The following GDA variants were observed in gnomAD, a reference collection of about 807,000 sequenced individuals.
The protein encoded by GDA is cytoplasmic PSD-95 interactor.
In GDA, 18 loss-of-function variants were observed where a neutral mutation model predicts 59.6. The ratio of observed to expected loss-of-function variants is 0.30; its 90% CI spans 0.21 to 0.45. The LOEUF is 0.45. Ranked by LOEUF, GDA falls within the 20% of genes least tolerant of loss-of-function variation. The pLI is 1.00. For synonymous variants in GDA, 201 were observed against 201.1 expected (o/e 1.00, Z 0.00); for missense variants, 427 against 552.3 (o/e 0.77, Z 2.27).
chr9:72,248,573 G>T lies in GDA; in HGVS notation c.*231G>T. On this transcript the variant is annotated 3_prime_UTR_variant, in exon 14 of 14. Transcript: ENST00000358399. ...CATGAAAATATCTCCCTTTGGAGCT[G>T]CTCAGACTTACTTTAAGCTCAAACA... 2 of 1,317,112 alleles carry T rather than the reference G, an allele frequency of 1.5e-6. No individual in the cohort carries two copies. Among genetic ancestry groups the T allele is most frequent in the Non-Finnish European group, 1.9e-6 (2 of 1,032,878 alleles). 81.6% of individuals were successfully genotyped at this position (1,317,112 alleles called of 1,614,324 possible). A position where few individuals can be genotyped will look rare whatever the true frequency, so the allele number is the denominator to read the frequency against.
intron 1 of GDA, among the ~76,000 whole-genome samples, chr9:72,183,513 G>A (rs1004409126): frequency 1.3e-5 from 2 of 152,166 alleles, no homozygotes; most frequent in African/African-American, 4.8e-5. Flanking sequence ...AAAAAGAAAA[G>A]GAAAAGGCTG....
At chr9:72,203,597 C>T (rs546465781) in intron 3 of GDA, among the ~76,000 whole-genome samples, 13 of 152,310 alleles carry the variant, frequency 8.5e-5, no homozygotes, top group African/African-American at 1.4e-4. Flanking sequence ...GGAGCTAAAG[C>T]GCAAATGCTG....
At chr9:72,161,563 G>A (rs1297440400) in intron 1 of GDA, among the ~76,000 whole-genome samples, 1 of 152,122 alleles carries the variant, frequency 6.6e-6, no homozygotes, top group Non-Finnish European at 1.5e-5. Flanking sequence ...ACCTCATGAA[G>A]TTCTCAAAGG....
downstream of GDA, among the ~76,000 whole-genome samples, chr9:72,258,176 GGTGGT>G (rs1455188303): frequency 6.6e-6 from 1 of 151,860 alleles, no homozygotes; most frequent in Non-Finnish European, 1.5e-5. Context: ...AGCTGGGCAT[GGTGGT>G]GCACACTTGT....
At position 72,250,219 on chromosome 9, in the gene GDA, G is replaced by A. The variant is rs929750642; in HGVS notation, c.*1877G>A. The A allele has an allele frequency of 1.0e-6, 1 of 986,904 alleles. No homozygotes were observed. The highest frequency in any genetic ancestry group is 1.7e-5 in the African/African-American group (1 of 57,234). 61.1% of individuals were successfully genotyped at this position (986,904 alleles called of 1,614,324 possible). On this transcript the variant is annotated 3_prime_UTR_variant, in exon 14 of 14. Coordinates refer to ENST00000358399, the MANE Select transcript of GDA (RefSeq NM_004293.5). Reference sequence around the variant, plus strand: ...GTGTCTAACCAAATGAGCAGGCTTAGGAATTTAGATGAGATGTGTAAGATT... The same window carrying A: ...GTGTCTAACCAAATGAGCAGGCTTAAGAATTTAGATGAGATGTGTAAGATT...
intron 5 of GDA, among the ~76,000 whole-genome samples, chr9:72,218,290 A>G (rs1836412523): frequency 6.6e-6 from 1 of 152,218 alleles, no homozygotes; most frequent in Non-Finnish European, 1.5e-5. Flanking sequence ...TGCCAAGACC[A>G]AACATATTCT....
intron 12 of GDA, among the ~76,000 whole-genome samples, chr9:72,247,026 A>C (rs1564203580): frequency 6.6e-6 from 1 of 152,216 alleles, no homozygotes; most frequent in Admixed American, 6.5e-5. Flanking sequence ...AAAACAAAAC[A>C]TAACAAAACA....
exon 1 of GDA, chr9:72,114,626 G>A (rs1287426643): frequency 2.0e-5 from 3 of 151,270 alleles, no homozygotes; most frequent in Non-Finnish European, 2.9e-5. Context: ...GAGTAGCCGG[G>A]ACTACAGGCA....
chr9:72,162,572 G>C (rs1828763729), intron 1 of GDA, among the ~76,000 whole-genome samples: 3 of 152,100 alleles, frequency 2.0e-5, no homozygotes, highest in Admixed American at 2.0e-4. Context: ...AACTAGATGA[G>C]GGCAGAGAGA....
At position 72,232,468 on chromosome 9, in the gene GDA, T is replaced by C. The variant is rs531908013; in HGVS notation, c.988+1287T>C. 2.0e-5 allele frequency among the ~76,000 whole-genome samples: 3 copies of C among 152,324 alleles called. No homozygotes were observed. The South Asian group carries it at 6.2e-4, about 32-fold the overall frequency. On this transcript the variant is annotated intron_variant, in intron 10 of 13. Coordinates refer to ENST00000358399, the MANE Select transcript of GDA (RefSeq NM_004293.5). ...TAATTTAAGCCTGAAATCATCAAGATTGTGATAATTCTACATAAAGTCACA... is the reference window on the plus strand; with the variant it reads ...TAATTTAAGCCTGAAATCATCAAGACTGTGATAATTCTACATAAAGTCACA...
chr9:72,178,590 G>A (rs1045708674), intron 1 of GDA, among the ~76,000 whole-genome samples: 1 of 152,002 alleles, frequency 6.6e-6, no homozygotes, highest in Non-Finnish European at 1.5e-5. Flanking sequence ...GCTAATTTTT[G>A]TATTTTTAGT....
At chr9:72,168,692 A>C (rs1829614617) in intron 1 of GDA, among the ~76,000 whole-genome samples, 1 of 152,176 alleles carries the variant, frequency 6.6e-6, no homozygotes, top group African/African-American at 2.4e-5. Flanking sequence ...CAAATGAAGA[A>C]TGTATAGCAC....
At chr9:72,120,312 C>T (rs1364490564) in intron 1 of GDA, among the ~76,000 whole-genome samples, 2 of 152,088 alleles carry the variant, frequency 1.3e-5, no homozygotes. Flanking sequence ...CTTGGCCTCC[C>T]CAAGTAGCTG....
chr9:72,246,700 G>A (rs967981137), intron 12 of GDA, among the ~76,000 whole-genome samples: 1 of 151,492 alleles, frequency 6.6e-6, no homozygotes, highest in Admixed American at 6.6e-5. Flanking sequence ...CTTACGTGAT[G>A]GTCTTATGAC....
At chr9:72,170,487 A>G (rs11143143) in intron 1 of GDA, among the ~76,000 whole-genome samples, 52,766 of 152,076 alleles carry the variant, frequency 0.35, 10,351 homozygotes, top group Non-Finnish European at 0.44. Context: ...TCGCTGAGCT[A>G]TATAAAAGGG....
At chr9:72,165,816 C>G (rs936481114) in intron 1 of GDA, among the ~76,000 whole-genome samples, 1 of 150,788 alleles carries the variant, frequency 6.6e-6, no homozygotes, top group African/African-American at 2.4e-5. Flanking sequence ...GAGAACTGCT[C>G]GAATCCGGGA....
chr9:72,196,411 C>T (rs1285171582), intron 2 of GDA, among the ~76,000 whole-genome samples: 7 of 150,214 alleles, frequency 4.7e-5, no homozygotes, highest in Non-Finnish European at 7.4e-5. Context: ...TCTTGAAGCC[C>T]GGGGGGCAGA....
intron 1 of GDA, among the ~76,000 whole-genome samples, chr9:72,117,812 A>G (rs575161003): frequency 1.3e-5 from 2 of 152,246 alleles, no homozygotes; most frequent in Admixed American, 6.5e-5. Context: ...AGGGATAGCT[A>G]ATGGAACAAA....
chr9:72,182,408 T>C (rs1346721819), intron 1 of GDA, among the ~76,000 whole-genome samples: 2 of 152,202 alleles, frequency 1.3e-5, no homozygotes, highest in Non-Finnish European at 2.9e-5. Flanking sequence ...TTTCAAACTG[T>C]CCCTTAATTT....
Sources: allele counts gnomAD v4.1 joint callset (sites outside exome capture counted in the v4.1 genomes callset), GRCh38; gene constraint gnomAD v4.1.1; transcripts MANE v1.5; gene names NCBI Gene and HGNC (gene_info 2026-07-23, HGNC 2026-07-21).